Variants in RBFOX1 observed in about 807,000 individuals in gnomAD.
The protein encoded by RBFOX1 is RNA binding protein fox-1 homolog 1.
In RBFOX1, 8 loss-of-function variants were observed where a neutral mutation model predicts 57.7. The observed-to-expected ratio is 0.14, with a 90% CI of 0.08 to 0.25. The LOEUF is 0.25. Among genes scored for constraint, RBFOX1 ranks in the 10% least tolerant of loss-of-function variants. The probability of loss-of-function intolerance (pLI) is 1.00; values close to 1 mark genes in which losing one functional copy is unlikely to be tolerated. For synonymous variants in RBFOX1, 326 were observed against 222.4 expected (o/e 1.47, Z -4.15); for missense variants, 611 against 548.5 (o/e 1.11, Z -1.14).
intron 4 of RBFOX1, 28 bp from the exon 5 acceptor site, chr16:7,518,119 C>G: frequency 1.9e-6 from 3 of 1,594,218 alleles, no homozygotes; most frequent in South Asian, 1.1e-5. Context: ...GACGTTCTCT[C>G]CCTCTCTGCA....
intron 4 of RBFOX1, among the ~76,000 whole-genome samples, chr16:7,360,655 C>G (rs1453967584): frequency 6.6e-6 from 1 of 152,196 alleles, no homozygotes; most frequent in Non-Finnish European, 1.5e-5. Flanking sequence ...AAGTTCCTCT[C>G]CCTTGCTTGG....
Position 7,105,692 on chromosome 16 carries a change from C to A in RBFOX1, c.27+53594C>A, listed in dbSNP as rs145366115. Among the ~76,000 whole-genome samples, 320 of 152,058 alleles carry A rather than the reference C, an allele frequency of 2.1e-3. 1 individual carries two copies. The highest frequency in any genetic ancestry group is 7.1e-3 in the African/African-American group (294 of 41,498). On this transcript the variant is annotated intron_variant, in intron 4 of 15. Coordinates refer to ENST00000550418, the MANE Select transcript of RBFOX1 (RefSeq NM_018723.4). ...TTCCATCATATCTATCTGTCTATCT[C>A]TCTATATATATCTATCTATATATGG...
At chr16:6,967,690 A>G (rs568239006) in intron 3 of RBFOX1, among the ~76,000 whole-genome samples, 3 of 152,150 alleles carry the variant, frequency 2.0e-5, no homozygotes, top group East Asian at 1.9e-4. Context: ...GGTTCAAGAC[A>G]TTGAACACGG....
chr16:6,045,647 G>T (rs2095487763), intron 1 of RBFOX1, among the ~76,000 whole-genome samples: 1 of 152,202 alleles, frequency 6.6e-6, no homozygotes, highest in Non-Finnish European at 1.5e-5. Context: ...CTATTCCAGT[G>T]AATGGAGTAG....
At chr16:6,372,410 G>T (rs1430095943) in intron 2 of RBFOX1, among the ~76,000 whole-genome samples, 5 of 151,780 alleles carry the variant, frequency 3.3e-5, no homozygotes, top group Admixed American at 6.6e-5. Context: ...GTGGAATGGA[G>T]AATTGGTGGA....
At chr16:6,125,143 T>C (rs1475666869) in intron 1 of RBFOX1, among the ~76,000 whole-genome samples, 5 of 152,226 alleles carry the variant, frequency 3.3e-5, no homozygotes, top group Non-Finnish European at 5.9e-5. Flanking sequence ...TCTCATACTG[T>C]AAGGGACATT....
chr16:7,232,970 C>T (rs141862682), intron 4 of RBFOX1, among the ~76,000 whole-genome samples: 313 of 152,130 alleles, frequency 2.1e-3, no homozygotes, highest in African/African-American at 7.0e-3. Context: ...TTCTTCTTTC[C>T]CTCTCCACAC....
intron 1 of RBFOX1, among the ~76,000 whole-genome samples, chr16:5,250,537 C>G (rs2062424956): frequency 6.6e-6 from 1 of 152,184 alleles, no homozygotes. Flanking sequence ...GTTTTCTGTT[C>G]CTGTCCACAC....
chr16:6,974,771 C>T (rs541072583), intron 3 of RBFOX1, among the ~76,000 whole-genome samples: 2 of 152,208 alleles, frequency 1.3e-5, no homozygotes, highest in East Asian at 1.9e-4. Flanking sequence ...CACCAGAAAA[C>T]CCCCTGTGTT....
At chr16:7,339,654 G>T (rs896117691) in intron 4 of RBFOX1, among the ~76,000 whole-genome samples, 2 of 152,126 alleles carry the variant, frequency 1.3e-5, no homozygotes, top group Non-Finnish European at 2.9e-5. Flanking sequence ...TGGCTGGGCT[G>T]GTCTTGAACT....
At chr16:6,579,340 A>T (rs1222307072) in intron 2 of RBFOX1, among the ~76,000 whole-genome samples, 1 of 151,968 alleles carries the variant, frequency 6.6e-6, no homozygotes, top group East Asian at 1.9e-4. Context: ...AGTAGCTGGG[A>T]CTATATGCAT....
chr16:6,487,603 A>T (rs2095513449), intron 2 of RBFOX1, among the ~76,000 whole-genome samples: 1 of 138,668 alleles, frequency 7.2e-6, no homozygotes, highest in Non-Finnish European at 1.6e-5. Flanking sequence ...GCCAGGAAAG[A>T]CTTTTCAAGA....
intron 3 of RBFOX1, among the ~76,000 whole-genome samples, chr16:5,854,395 C>T (rs2056973500): frequency 6.6e-6 from 1 of 152,190 alleles, no homozygotes; most frequent in Admixed American, 6.5e-5. Flanking sequence ...GTGAGTTAAA[C>T]TCTTTTAGAT....
intron 2 of RBFOX1, among the ~76,000 whole-genome samples, chr16:6,389,917 T>C (rs2092509588): frequency 6.6e-6 from 1 of 152,210 alleles, no homozygotes; most frequent in Non-Finnish European, 1.5e-5. Context: ...AGTCGCTGTC[T>C]CAGCATTTCC....
chr16:7,029,229 TATATAC>T lies in RBFOX1; in HGVS notation c.-15-22827_-15-22822del, dbSNP rs1568441610. Among the ~76,000 whole-genome samples, 30 of 82,306 alleles carry T rather than the reference TATATAC, an allele frequency of 3.6e-4. 3 individuals are homozygous for T. The highest frequency in any genetic ancestry group is 1.4e-3 in the African/African-American group (27 of 19,910). The allele number at this position is 82,306 out of a possible 152,430, so 54.0% of individuals were successfully genotyped here. A position where few individuals can be genotyped will look rare whatever the true frequency, so the allele number is the denominator to read the frequency against. On this transcript the variant is annotated intron_variant, in intron 3 of 15. Coordinates refer to ENST00000550418, the MANE Select transcript of RBFOX1 (RefSeq NM_018723.4). ...GTATACGTATATATATACACACATA[TATATAC>T]GTATACGTATATATATACACACATA...
At chr16:5,300,787 T>G (rs2063783787) in intron 1 of RBFOX1, among the ~76,000 whole-genome samples, 1 of 152,232 alleles carries the variant, frequency 6.6e-6, no homozygotes, top group South Asian at 2.1e-4. Context: ...ACAAAATCAA[T>G]GACAGTTTTG....
intron 4 of RBFOX1, among the ~76,000 whole-genome samples, chr16:7,062,190 G>A (rs928285887): frequency 4.0e-5 from 6 of 151,602 alleles, no homozygotes; most frequent in African/African-American, 1.5e-4. Flanking sequence ...ATGGTGGCGG[G>A]TGCCTGCAGT....
At position 7,623,819 on chromosome 16, in the gene RBFOX1, C is replaced by G. The variant is rs550694981; in HGVS notation, c.677-6784C>G. Among the ~76,000 whole-genome samples the G allele has an allele frequency of 3.5e-3, 529 of 152,330 alleles. 4 individuals carry two copies. The highest frequency in any genetic ancestry group is 0.012 in the African/African-American group (507 of 41,572). ...TTGCAGATGACCATCTTTTCTCTGT[C>G]TTCACCTGGGTTTCCCTGTGTGTCC... is the stretch of plus-strand genomic sequence containing the variant. On this transcript the variant is annotated intron_variant, in intron 10 of 15. Transcript: ENST00000550418.
At chr16:7,390,159 C>G (rs368101632) in intron 4 of RBFOX1, among the ~76,000 whole-genome samples, 4 of 152,102 alleles carry the variant, frequency 2.6e-5, no homozygotes, top group South Asian at 4.2e-4. Flanking sequence ...AAAACTCTAT[C>G]AAAAGAACAG....
Sources: gnomAD v4.1 joint callset for allele counts (sites outside exome capture counted in the v4.1 genomes callset) on GRCh38, gnomAD v4.1.1 for gene constraint, MANE v1.5 for transcripts, NCBI Gene and HGNC (gene_info 2026-07-23, HGNC 2026-07-21) for gene names.